URGCP: variants seen among roughly 807,000 people sequenced by gnomAD.
The protein encoded by URGCP is upregulator of cell proliferation, also known as up-regulator of cell proliferation.
URGCP carries 13 observed loss-of-function variants against 24.6 expected under a neutral mutation model. The ratio of observed to expected loss-of-function variants is 0.53; its 90% confidence interval spans 0.34 to 0.84. URGCP has a LOEUF of 0.84. URGCP is among the 40% of genes least tolerant of loss of function. The pLI, the probability that URGCP is intolerant of heterozygous loss-of-function variation, is 0.01. For missense variants in URGCP, 899 were observed against 1,194.3 expected (o/e 0.75, Z 3.64); for synonymous variants, 444 against 487.2 (o/e 0.91, Z 1.17).
At chr7:43,903,026 A>G (rs528504952) in intron 1 of URGCP, among the ~76,000 whole-genome samples, 2 of 152,146 alleles carry the variant, frequency 1.3e-5, no homozygotes, top group South Asian at 2.1e-4. Flanking sequence ...TAATGTGCTT[A>G]TAATTCCAGC....
chr7:43,911,092 T>A (rs2095909604), upstream of URGCP, among the ~76,000 whole-genome samples: 1 of 152,084 alleles, frequency 6.6e-6, no homozygotes, highest in African/African-American at 2.4e-5. Context: ...ATAGACAGCC[T>A]GAACAGCACT....
At chr7:43,904,618 C>A (rs139141749) in intron 1 of URGCP, among the ~76,000 whole-genome samples, 2 of 152,310 alleles carry the variant, frequency 1.3e-5, no homozygotes, top group East Asian at 3.9e-4. Flanking sequence ...CACTTAGGAG[C>A]TATGTCTGCC....
intron 1 of URGCP, chr7:43,889,277 G>A (rs929001423): frequency 6.6e-6 from 1 of 152,234 alleles, no homozygotes; most frequent in African/African-American, 2.4e-5. Flanking sequence ...GAGCCCAGGA[G>A]TTCAAGACTA....
intron 3 of URGCP, among the ~76,000 whole-genome samples, chr7:43,885,608 T>C (rs1230575114): frequency 2.0e-5 from 3 of 152,172 alleles, no homozygotes; most frequent in Admixed American, 6.5e-5. Context: ...TGCCTTGGTT[T>C]CCTCAAATGA....
intron 1 of URGCP, among the ~76,000 whole-genome samples, chr7:43,913,493 T>C (rs774956573): frequency 1.1e-4 from 16 of 152,026 alleles, no homozygotes; most frequent in Admixed American, 5.2e-4. Context: ...GCTGGGATTA[T>C]AGGCGTGAAC....
intron 1 of URGCP, among the ~76,000 whole-genome samples, chr7:43,915,026 C>T (rs567885787): frequency 6.6e-6 from 1 of 152,330 alleles, no homozygotes; most frequent in Non-Finnish European, 1.5e-5. Context: ...GAATTCACCC[C>T]TTATGCTGGG....
At chr7:43,920,107 C>A in intron 1 of URGCP, 1 of 981,780 alleles carries the variant, frequency 1.0e-6, no homozygotes, top group Non-Finnish European at 1.5e-6. Flanking sequence ...TGACCAAGGC[C>A]CTGCCTGACT....
At position 43,918,999 on chromosome 7, in the gene URGCP, A is replaced by G. The variant is rs540625554; in HGVS notation, c.-116+7133T>C. The G allele has an allele frequency of 1.6e-4, 197 of 1,232,646 alleles. No homozygotes were observed. The African/African-American group carries it at 2.7e-3, about 17-fold the overall frequency. The allele number at this position is 1,232,646 out of a possible 1,614,324, so 76.4% of individuals were successfully genotyped here. On this transcript the variant is annotated intron_variant, in intron 1 of 5. Transcript: ENST00000426198. ...GTCGGAGCATGGGGGAAGAGCTGGC[A>G]ACAACTGGGCCAGCAGATTCTCCCA...
intron 1 of URGCP, among the ~76,000 whole-genome samples, chr7:43,924,911 AC>A (rs1270482715): frequency 6.6e-6 from 1 of 152,156 alleles, no homozygotes. Flanking sequence ...GGTGCACACC[AC>A]CATGCCCAGC....
At chr7:43,909,430 A>C (rs1321848702), upstream of URGCP, among the ~76,000 whole-genome samples, 17 of 152,244 alleles carry the variant, frequency 1.1e-4, no homozygotes, top group Admixed American at 1.0e-3. Flanking sequence ...TCATAGGTTA[A>C]AAACCAGTAT....
chr7:43,895,709 G>A (rs1419290638), intron 1 of URGCP, among the ~76,000 whole-genome samples: 1 of 152,196 alleles, frequency 6.6e-6, no homozygotes, highest in Non-Finnish European at 1.5e-5. Context: ...TGCTGGTAAG[G>A]ATGTGGAGTA....
chr7:43,906,532 G>C (rs1396293919), intron 1 of URGCP, 30 bp downstream of exon 1: 1 of 1,215,082 alleles, frequency 8.2e-7, no homozygotes, highest in Non-Finnish European at 1.0e-6. Flanking sequence ...GGCAGCCGCG[G>C]GGGCGCAGGG....
Position 43,877,362 on chromosome 7 carries a change from G to A in URGCP, c.2101C>T (p.Pro701Ser). ...RLVVLSTVGV[P>S]GTGKSTLLNT... is the part of the protein sequence containing the mutation. The stretch of plus-strand genomic sequence containing the variant: ...AGGAGTGTGGACTTGCCCGTGCCTG[G>A]CACCCCGACGGTTGACAGAACCACC... The change falls in exon 6 of 6, where the codon CCA becomes TCA. Residue 701 changes from proline to serine, a missense_variant. Pro to Ser is a moderately conservative substitution (Grantham distance 74). Coordinates refer to ENST00000453200, the MANE Select transcript of URGCP (RefSeq NM_001077663.3). The A allele has an allele frequency of 1.2e-6, 2 of 1,612,544 alleles. No homozygotes were observed. The highest frequency in any genetic ancestry group is 1.7e-6 in the Non-Finnish European group (2 of 1,180,012).
intron 3 of URGCP, among the ~76,000 whole-genome samples, chr7:43,882,754 A>C (rs562397128): frequency 1.3e-5 from 2 of 152,388 alleles, no homozygotes; most frequent in South Asian, 4.1e-4. Flanking sequence ...TAATAGCTAC[A>C]CACAAGACAC....
At position 43,877,129 on chromosome 7, in the gene URGCP, G is replaced by A. The variant is rs889360652; in HGVS notation, c.2334C>T (p.Leu778=). 6.2e-6 allele frequency: 10 copies of A among 1,614,014 alleles called. No homozygotes were observed. Among genetic ancestry groups the A allele is most frequent in the African/African-American group, 4.0e-5 (3 of 74,916 alleles). ...TCACGGTGACATTGCTCAGTCCCAT[G>A]AGCAGAGTGGCCAAGGAAGCCTCCA... is the stretch of plus-strand genomic sequence containing the variant. ...FELEASLATL[L]MGLSNVTVIS... is the part of the protein sequence containing the mutation. Residue 778 remains leucine (L), a synonymous_variant, in exon 6 of 6, where the codon CTC becomes CTT. Coordinates refer to ENST00000453200, the MANE Select transcript of URGCP (RefSeq NM_001077663.3).
In URGCP at chr7:43,877,397, C is replaced by CTCCAGTCTT. The variant is rs777109120; in HGVS notation, c.2065_2066insAAGACTGGA (p.Arg688_Arg689insGlnAspTrp). 1 of 1,613,316 alleles carries CTCCAGTCTT rather than the reference C, an allele frequency of 6.2e-7. No individual in the cohort carries two copies. On this transcript the variant is annotated inframe_insertion, in exon 6 of 6. Transcript: ENST00000453200. ...GGTTGACAGAACCACCAGCCTTGAC[C>CTCCAGTCTT]GTCTCTCCAGTCGGACGTGCAGCTC...
At chr7:43,909,554 C>T (rs1562588301), upstream of URGCP, among the ~76,000 whole-genome samples, 1 of 150,382 alleles carries the variant, frequency 6.6e-6, no homozygotes, top group Non-Finnish European at 1.5e-5. Flanking sequence ...GGTGAAACTC[C>T]ATCTCTACTA....
rs1232753084 is a variant in URGCP at position 43,883,357 on chromosome 7, TA to T, written c.113-1401del. Among the ~76,000 whole-genome samples the T allele has an allele frequency of 2.2e-3, 225 of 100,896 alleles. 1 individual carries two copies. The highest frequency in any genetic ancestry group is 0.011 in the African/African-American group (194 of 17,622). The allele number at this position is 100,896 out of a possible 152,430, so 66.2% of individuals were successfully genotyped here. ...ATATACATATATATATATATATATA[TA>T]TATATTTTTTTTTTTTTTTTGAGAT... On this transcript the variant is annotated intron_variant, in intron 3 of 5. Transcript: ENST00000453200.
chr7:43,919,494 C>T lies in URGCP; in HGVS notation c.-116+6638G>A, dbSNP rs997185740. Reference sequence around the variant, plus strand: ...CGCCTCACTCATTCCCACCCCATGGCTCCACTTTCTCATGACTGGCTACAC... The same window carrying T: ...CGCCTCACTCATTCCCACCCCATGGTTCCACTTTCTCATGACTGGCTACAC... On this transcript the variant is annotated intron_variant, in intron 1 of 5. Transcript: ENST00000426198. 3 of 1,166,880 alleles carry T rather than the reference C, an allele frequency of 2.6e-6. No homozygotes were observed. The African/African-American group carries it at 4.5e-5, about 18-fold the overall frequency. 72.3% of individuals were successfully genotyped at this position (1,166,880 alleles called of 1,614,324 possible).
Sources: allele counts gnomAD v4.1 joint callset (sites outside exome capture counted in the v4.1 genomes callset), GRCh38; gene constraint gnomAD v4.1.1; transcripts MANE v1.5; gene names NCBI Gene and HGNC (gene_info 2026-07-23, HGNC 2026-07-21).